GOLGA8T: variants seen among roughly 807,000 people sequenced by gnomAD.
GOLGA8T encodes golgin A8 family member T.
In GOLGA8T, 17 loss-of-function variants were observed where a neutral mutation model predicts 52.0. That is an observed-to-expected ratio of 0.33 (90% CI 0.22 to 0.49). The LOEUF (loss-of-function observed/expected upper bound fraction) is 0.49, where lower values mean the gene tolerates loss of function less well. Ranked by LOEUF, GOLGA8T falls within the 20% of genes least tolerant of loss-of-function variation. The pLI is 0.99. For synonymous variants in GOLGA8T, 67 were observed against 169.5 expected, an observed-to-expected ratio of 0.40 and a Z score of 4.70; for missense variants, 154 against 462.1, an observed-to-expected ratio of 0.33 and a Z score of 6.11.
intron 10 of GOLGA8T, 41 bp from the exon 11 acceptor site, chr15:30,141,297 G>A (rs752472904): frequency 6.4e-7 from 1 of 1,552,484 alleles, no homozygotes; most frequent in African/African-American, 2.0e-5. Flanking sequence ...CCAGCCACCA[G>A]CCCCTCTCTC....
At position 30,148,651 on chromosome 15, in the gene GOLGA8T, C is replaced by G. The variant is rs1350482443; in HGVS notation, c.*3084C>G. The stretch of plus-strand genomic sequence containing the variant: ...TTACCAGTTTATGAATTATTGTAAA[C>G]AGAATGTGTCATGGAAATACTGAAA... On this transcript the variant is annotated 3_prime_UTR_variant, in exon 19 of 19. Coordinates refer to ENST00000569052, the MANE Select transcript of GOLGA8T (RefSeq NM_001355469.2). 3.1e-4 allele frequency among the ~76,000 whole-genome samples: 45 copies of G among 144,608 alleles called. No homozygotes were observed. Among genetic ancestry groups the G allele is most frequent in the African/African-American group, 8.4e-4 (31 of 36,994 alleles). The allele number at this position is 144,608 out of a possible 152,430, so 94.9% of individuals were successfully genotyped here. A position where few individuals can be genotyped will look rare whatever the true frequency, so the allele number is the denominator to read the frequency against.
rs1256086575 is a variant in GOLGA8T at position 30,142,451 on chromosome 15, G to A, written c.1200+69G>A. ...AGGCGGGCAGCAGACTCTGGGGAGGGGAGGTACGAGGCCAGAGGCAGCTTC... is the reference window on the plus strand; with the variant it reads ...AGGCGGGCAGCAGACTCTGGGGAGGAGAGGTACGAGGCCAGAGGCAGCTTC... On this transcript the variant is annotated intron_variant, in intron 13 of 18. Transcript: ENST00000569052. 16 of 1,578,078 alleles carry A rather than the reference G, an allele frequency of 1.0e-5. 1 individual carries two copies. The highest frequency in any genetic ancestry group is 1.3e-5 in the Non-Finnish European group (15 of 1,173,142).
At chr15:30,142,427 G>C (rs770813205) in intron 13 of GOLGA8T, 45 bp downstream of exon 13, 2 of 1,580,274 alleles carry the variant, frequency 1.3e-6, no homozygotes, top group South Asian at 1.1e-5. Flanking sequence ...AGGGCTGGGA[G>C]GCGGGCAGCA....
In GOLGA8T at chr15:30,145,493, G is replaced by C. The variant is rs1429153786; in HGVS notation, c.1822G>C (p.Glu608Gln). The C allele has an allele frequency of 4.5e-6, 7 of 1,560,138 alleles. No homozygotes were observed. Among genetic ancestry groups the C allele is most frequent in the Non-Finnish European group, 6.0e-6 (7 of 1,167,370 alleles). Residue 608 changes from glutamate to glutamine, a missense_variant, in exon 19 of 19, where the codon GAG (glutamate) becomes CAG (glutamine). Physicochemically the swap from Glu to Gln is conservative, Grantham distance 29. Coordinates refer to ENST00000569052, the MANE Select transcript of GOLGA8T (RefSeq NM_001355469.2). ...ACAGCCGATCGTGCAGGACCACCAG[G>C]AGCACCCAGGCTTGGGCAGCAACTG... The part of the protein sequence containing the change: ...TAQPIVQDHQ[E>Q]HPGLGSNCCV...
chr15:30,140,856 C>G lies in GOLGA8T; in HGVS notation c.606C>G (p.Ser202Arg). ...TCACCATCCAGTTGTCCAGCCGCAGCAAAGCACGTACGGAGTGGAAGTTAG... is the reference window on the plus strand; with the variant it reads ...TCACCATCCAGTTGTCCAGCCGCAGGAAAGCACGTACGGAGTGGAAGTTAG... Reference protein sequence around the residue: ...KKKANQLSSRSKARTEWKLEQ... With the variant: ...KKKANQLSSRRKARTEWKLEQ... The change falls in exon 9 of 19, where the codon AGC becomes AGG. Residue 202 changes from serine (S) to arginine (R), a missense_variant. By Grantham distance (110) the Ser-to-Arg change is moderately radical (BLOSUM62 -1). This residue lies in a region of GOLGA8T where 56 missense variants were observed against 134.2 expected (regional missense o/e 0.42). Transcript: ENST00000569052. 1 of 1,565,184 alleles carries G rather than the reference C, an allele frequency of 6.4e-7. No individual in the cohort carries two copies. The highest frequency in any genetic ancestry group is 8.6e-7 in the Non-Finnish European group (1 of 1,161,420).
intron 13 of GOLGA8T, 94 bp downstream of exon 13, chr15:30,142,476 C>A (rs1427836883): frequency 1.3e-6 from 2 of 1,554,992 alleles, no homozygotes; most frequent in African/African-American, 2.9e-5. Context: ...GAGGCAGCTT[C>A]CAGCCTGGGG....
chr15:30,142,608 G>A (rs1210150192), intron 13 of GOLGA8T, among the ~76,000 whole-genome samples: 1 of 142,316 alleles, frequency 7.0e-6, no homozygotes, highest in Non-Finnish European at 1.5e-5. Flanking sequence ...TAGAGGCATG[G>A]AGCCCCCAAT....
rs2057744262 is a variant in GOLGA8T at position 30,141,507 on chromosome 15, G to A, written c.874+82G>A. 4 of 1,179,744 alleles carry A rather than the reference G, an allele frequency of 3.4e-6. 1 individual carries two copies. The highest frequency in any genetic ancestry group is 4.7e-6 in the Non-Finnish European group (4 of 843,532). The allele number at this position is 1,179,744 out of a possible 1,614,324, so 73.1% of individuals were successfully genotyped here. The stretch of plus-strand genomic sequence containing the variant: ...TGGCTTAGAGTGCCCCAGGGAGGTG[G>A]GTGGATGGAAGGGCTTTGAGGCAGA... On this transcript the variant is annotated intron_variant, in intron 11 of 18. Transcript: ENST00000569052.
Position 30,145,593 on chromosome 15 carries a change from C to T in GOLGA8T, c.*26C>T. 2.3e-6 allele frequency: 3 copies of T among 1,321,916 alleles called. No individual in the cohort carries two copies. Among genetic ancestry groups the T allele is most frequent in the Non-Finnish European group, 3.0e-6 (3 of 993,674 alleles). 81.9% of individuals were successfully genotyped at this position (1,321,916 alleles called of 1,614,324 possible). A position where few individuals can be genotyped will look rare whatever the true frequency, so the allele number is the denominator to read the frequency against. On this transcript the variant is annotated 3_prime_UTR_variant, in exon 19 of 19. Transcript: ENST00000569052. The stretch of plus-strand genomic sequence containing the variant: ...ACATCACCATCCTCAAAGAGCTGCT[C>T]AAGAAATTTTTAAATAAGAAACCAA...
Position 30,142,353 on chromosome 15 carries a change from G to A in GOLGA8T, c.1171G>A (p.Val391Ile), listed in dbSNP as rs1274459433. 3 of 1,553,372 alleles carry A rather than the reference G, an allele frequency of 1.9e-6. No individual in the cohort carries two copies. The East Asian group carries it at 7.0e-5, about 36-fold the overall frequency. ...GAACGCACTGCAGTTGGAGCAGCAAGTAAAGGAGCTACAGGAGAAGCTTGG... is the reference window on the plus strand; with the variant it reads ...GAACGCACTGCAGTTGGAGCAGCAAATAAAGGAGCTACAGGAGAAGCTTGG... Reference protein sequence around the residue: ...NKNALQLEQQVKELQEKLGEE... With the variant: ...NKNALQLEQQIKELQEKLGEE... The change falls in exon 13 of 19, where the codon GTA becomes ATA. Residue 391 changes from valine (V) to isoleucine (I), a missense_variant. Physicochemically the swap from Val to Ile is conservative, Grantham distance 29. This residue lies in a region of GOLGA8T where 54 missense variants were observed against 51.5 expected (regional missense o/e 1.05). Coordinates refer to ENST00000569052, the MANE Select transcript of GOLGA8T (RefSeq NM_001355469.2).
At chr15:30,141,568 G>T in intron 11 of GOLGA8T, 143 bp downstream of exon 11, 1 of 854,370 alleles carries the variant, frequency 1.2e-6, no homozygotes, top group Non-Finnish European at 1.8e-6. Flanking sequence ...GGCGAGTCTT[G>T]TCATCTCAAT....
Position 30,142,037 on chromosome 15 carries a change from A to G in GOLGA8T, c.1110A>G (p.Pro370=), listed in dbSNP as rs2057750740. The G allele has an allele frequency of 2.4e-6, 1 of 418,538 alleles. No homozygotes were observed. The highest frequency in any genetic ancestry group is 3.9e-6 in the Non-Finnish European group (1 of 256,158). The allele number at this position is 418,538 out of a possible 1,614,324, so 25.9% of individuals were successfully genotyped here. Residue 370 remains proline, a synonymous_variant, in exon 12 of 19, where the codon CCA becomes CCG. Transcript: ENST00000569052. Reference sequence around the variant, plus strand: ...AGAGCCTTCAGCAGCTGGCCAAGCCACAGAGCGTCTTCGAGGAGCCGGTGC... The same window carrying G: ...AGAGCCTTCAGCAGCTGGCCAAGCCGCAGAGCGTCTTCGAGGAGCCGGTGC... ...QHKSLQQLAK[P]QSVFEEPNNE...
chr15:30,140,144 C>CGT (rs1426500062), intron 8 of GOLGA8T: 21 of 409,392 alleles, frequency 5.1e-5, no homozygotes, highest in African/African-American at 3.8e-4. Context: ...AAAGAGGAAA[C>CGT]GTGTGTGCGT....
rs1354181025 is a variant in GOLGA8T, at chr15:30,142,403, C to A, written c.1200+21C>A. 17 of 1,569,704 alleles carry A rather than the reference C, an allele frequency of 1.1e-5. 1 individual carries two copies. The highest frequency in any genetic ancestry group is 1.5e-5 in the Non-Finnish European group (17 of 1,169,220). On this transcript the variant is annotated intron_variant, in intron 13 of 18. Coordinates refer to ENST00000569052, the MANE Select transcript of GOLGA8T (RefSeq NM_001355469.2). Reference sequence around the variant, plus strand: ...GCGAGGTGAAGGAGACGGAAACCTCCACCCCATCCAAGAAGGGCTGGGAGG... The same window carrying A: ...GCGAGGTGAAGGAGACGGAAACCTCAACCCCATCCAAGAAGGGCTGGGAGG...
chr15:30,143,302 G>T (rs1305967406), intron 13 of GOLGA8T, among the ~76,000 whole-genome samples: 2 of 108,844 alleles, frequency 1.8e-5, no homozygotes, highest in African/African-American at 1.5e-4. Context: ...CCTGCAGGTG[G>T]AGCTGAAGAG....
chr15:30,142,363 T>A lies in GOLGA8T; in HGVS notation c.1181T>A (p.Leu394Gln), dbSNP rs1567327122. The change falls in exon 13 of 19, where the codon CTA (leucine) becomes CAA (glutamine). Residue 394 changes from leucine (L) to glutamine (Q), a missense_variant. Leu to Gln is a moderately radical substitution (Grantham distance 113). Coordinates refer to ENST00000569052, the MANE Select transcript of GOLGA8T (RefSeq NM_001355469.2). ...CAGTTGGAGCAGCAAGTAAAGGAGC[T>A]ACAGGAGAAGCTTGGCGAGGTGAAG... ...ALQLEQQVKE[L>Q]QEKLGEEHLE... The A allele has an allele frequency of 6.5e-7, 1 of 1,545,908 alleles. No homozygotes were observed. The highest frequency in any genetic ancestry group is 8.7e-7 in the Non-Finnish European group (1 of 1,155,338).
At chr15:30,143,464 C>G in intron 13 of GOLGA8T, 142 bp from the exon 14 acceptor site, 2 of 1,217,520 alleles carry the variant, frequency 1.6e-6, no homozygotes, top group South Asian at 3.0e-5. Context: ...GCTGCAGCAG[C>G]AGGAAGCTTG....
intron 13 of GOLGA8T, 126 bp downstream of exon 13, chr15:30,142,508 C>T: frequency 6.6e-7 from 1 of 1,507,594 alleles, no homozygotes; most frequent in Non-Finnish European, 8.8e-7. Flanking sequence ...CAGCACCCCC[C>T]AGGGCAGTCC....
At position 30,141,425 on chromosome 15, in the gene GOLGA8T, G is replaced by T. The variant is rs1298565404; in HGVS notation, c.874G>T (p.Ala292Ser). 17 of 1,527,692 alleles carry T rather than the reference G, an allele frequency of 1.1e-5. 3 individuals are homozygous for T. Among genetic ancestry groups the T allele is most frequent in the East Asian group, 2.4e-5 (1 of 42,522 alleles). 94.6% of individuals were successfully genotyped at this position (1,527,692 alleles called of 1,614,324 possible). A position where few individuals can be genotyped will look rare whatever the true frequency, so the allele number is the denominator to read the frequency against. Reference protein sequence around the residue: ...RSLSKLKNQMAEPLPPEPPAV... With the variant: ...RSLSKLKNQMSEPLPPEPPAV... ...CTTGTCCAAACTCAAAAACCAGATG[G>T]GTAAGATGGGGCTGGCATGACCTAG... The change falls in exon 11 of 19, where the codon GCT (alanine) becomes TCT (serine). Residue 292 changes from alanine (A) to serine (S), a missense_variant and splice_region_variant. Ala to Ser is a moderately conservative substitution (Grantham distance 99, BLOSUM62 1). This residue lies in a region of GOLGA8T where 56 missense variants were observed against 134.2 expected (regional missense o/e 0.42). Coordinates refer to ENST00000569052, the MANE Select transcript of GOLGA8T (RefSeq NM_001355469.2).
Sources: allele counts gnomAD v4.1 joint callset (sites outside exome capture counted in the v4.1 genomes callset), GRCh38; gene constraint gnomAD v4.1.1; regional missense constraint gnomAD v4.1.1; transcripts MANE v1.5; gene names NCBI Gene and HGNC (gene_info 2026-07-23, HGNC 2026-07-21).